VTI1A: variants seen among roughly 807,000 people sequenced by gnomAD.
VTI1A encodes the protein vesicle transport through interaction with t-SNAREs homolog 1A.
A neutral mutation model predicts 34.9 loss-of-function variants in VTI1A; 22 were observed. The ratio of observed to expected loss-of-function variants is 0.63; its 90% CI spans 0.45 to 0.90. VTI1A has a LOEUF of 0.90. VTI1A is among the 40% of genes least tolerant of loss of function. The probability of loss-of-function intolerance (pLI) is 0.00; values close to 1 mark genes in which losing one functional copy is unlikely to be tolerated. For missense variants in VTI1A, 268 were observed against 275.6 expected (o/e 0.97, Z 0.20); for synonymous variants, 87 against 97.3 (o/e 0.89, Z 0.62).
chr10:112,673,459 CGT>C (rs1428058839), intron 7 of VTI1A, among the ~76,000 whole-genome samples: 2 of 77,000 alleles, frequency 2.6e-5, no homozygotes, highest in East Asian at 4.0e-4. Context: ...CACATGCGCG[CGT>C]GCGCGCGCAC....
intron 7 of VTI1A, chr10:112,736,644 A>G: frequency 6.5e-7 from 1 of 1,526,930 alleles, no homozygotes; most frequent in Non-Finnish European, 8.8e-7. Context: ...AAAATTGGAA[A>G]CAAGTATACA....
intron 5 of VTI1A, among the ~76,000 whole-genome samples, chr10:112,598,882 A>G (rs116346254): frequency 0.012 from 1,845 of 152,292 alleles, 41 homozygotes; most frequent in African/African-American, 0.043. Context: ...CCGGTTTCCT[A>G]CGACTTTGCT....
At chr10:112,732,155 A>G (rs1850287558) in intron 7 of VTI1A, among the ~76,000 whole-genome samples, 1 of 152,208 alleles carries the variant, frequency 6.6e-6, no homozygotes. Flanking sequence ...AGCAAATGAC[A>G]TCACAAGTTT....
chr10:112,452,763 T>A (rs1847288899), intron 1 of VTI1A, among the ~76,000 whole-genome samples: 1 of 151,832 alleles, frequency 6.6e-6, no homozygotes, highest in Admixed American at 6.6e-5. Context: ...ATAAACTTTT[T>A]ATTTTAGAAC....
intron 7 of VTI1A, among the ~76,000 whole-genome samples, chr10:112,728,609 G>T (rs897831928): frequency 8.5e-5 from 13 of 152,112 alleles, no homozygotes; most frequent in African/African-American, 3.1e-4. Context: ...GCATCACAAA[G>T]GGCTCAGCTT....
intron 7 of VTI1A, among the ~76,000 whole-genome samples, chr10:112,803,697 T>C (rs1367226759): frequency 6.6e-6 from 1 of 152,018 alleles, no homozygotes; most frequent in Non-Finnish European, 1.5e-5. Context: ...GCCCAGGAGG[T>C]GAAGGCTGCA....
chr10:112,583,423 G>T (rs1439600373), intron 5 of VTI1A, among the ~76,000 whole-genome samples: 2 of 152,198 alleles, frequency 1.3e-5, no homozygotes, highest in African/African-American at 4.8e-5. Context: ...CAGGTCTGTT[G>T]TCCTAAGCGC....
At chr10:112,551,057 C>G (rs1034883031) in intron 5 of VTI1A, among the ~76,000 whole-genome samples, 6 of 152,054 alleles carry the variant, frequency 3.9e-5, no homozygotes, top group Admixed American at 1.3e-4. Context: ...TCCTGGCGAA[C>G]ACTGTGAAAC....
chr10:112,696,179 A>G (rs1848781599), intron 7 of VTI1A, among the ~76,000 whole-genome samples: 1 of 151,836 alleles, frequency 6.6e-6, no homozygotes, highest in South Asian at 2.1e-4. Flanking sequence ...CATCAGAGCT[A>G]CTTATCTTAT....
At chr10:112,650,176 T>C (rs1846954152) in intron 5 of VTI1A, among the ~76,000 whole-genome samples, 1 of 152,242 alleles carries the variant, frequency 6.6e-6, no homozygotes. Context: ...TACAAAAATA[T>C]TTTCTTTCTT....
chr10:112,493,829 G>T (rs561536154), intron 3 of VTI1A, among the ~76,000 whole-genome samples: 1 of 152,134 alleles, frequency 6.6e-6, no homozygotes, highest in Non-Finnish European at 1.5e-5. Flanking sequence ...TTGTAATAGT[G>T]TATAACCCTC....
At chr10:112,589,424 GGAACTGTA>G (rs112878126) in intron 5 of VTI1A, among the ~76,000 whole-genome samples, 16,045 of 152,096 alleles carry the variant, frequency 0.11, 943 homozygotes, top group African/African-American at 0.13. Context: ...CCATGATCGT[GGAACTGTA>G]AGTTCCACCC....
At chr10:112,755,904 G>C (rs936245824) in intron 7 of VTI1A, among the ~76,000 whole-genome samples, 2 of 152,146 alleles carry the variant, frequency 1.3e-5, no homozygotes, top group African/African-American at 4.8e-5. Flanking sequence ...GTCAGAAACA[G>C]ACAGCGAGAT....
intron 5 of VTI1A, among the ~76,000 whole-genome samples, chr10:112,647,961 A>G (rs1233928849): frequency 6.6e-6 from 1 of 152,026 alleles, no homozygotes; most frequent in African/African-American, 2.4e-5. Flanking sequence ...GTAGAGACCA[A>G]GTTTTGCCAT....
chr10:112,559,027 G>C (rs998301594), intron 5 of VTI1A, among the ~76,000 whole-genome samples: 13 of 152,192 alleles, frequency 8.5e-5, no homozygotes, highest in African/African-American at 2.9e-4. Context: ...GAATCTTGCT[G>C]TGCCAATGGG....
chr10:112,447,722 A>G (rs10885348), intron 1 of VTI1A, among the ~76,000 whole-genome samples: 15,021 of 152,136 alleles, frequency 0.099, 887 homozygotes, highest in East Asian at 0.18. Flanking sequence ...AACTTGCATA[A>G]CCTGGAAACG....
At chr10:112,785,823 A>G (rs1045270405) in intron 7 of VTI1A, among the ~76,000 whole-genome samples, 1 of 152,136 alleles carries the variant, frequency 6.6e-6, no homozygotes, top group African/African-American at 2.4e-5. Context: ...GTTCCATTGA[A>G]CTGTGTCTTC....
chr10:112,611,737 AT>A (rs3057346), intron 5 of VTI1A, among the ~76,000 whole-genome samples: 42 of 100,774 alleles, frequency 4.2e-4, no homozygotes, highest in South Asian at 1.1e-3. Context: ...GAGAAAGGTA[AT>A]TTTTTTTTTT....
chr10:112,486,603 T>G (rs550183571), intron 3 of VTI1A, among the ~76,000 whole-genome samples: 1 of 132,718 alleles, frequency 7.5e-6, no homozygotes, highest in East Asian at 2.0e-4. Flanking sequence ...GATATTAAGA[T>G]TTTTTAGTCA....
Sources: gnomAD v4.1 joint callset for allele counts (sites outside exome capture counted in the v4.1 genomes callset) on GRCh38, gnomAD v4.1.1 for gene constraint, MANE v1.5 for transcripts, NCBI Gene and HGNC (gene_info 2026-07-23, HGNC 2026-07-21) for gene names.